The following TMCO1 variants were observed in gnomAD, a reference collection of about 807,000 sequenced individuals.
TMCO1 encodes the protein transmembrane and coiled-coil domains 1.
TMCO1 carries 29 observed loss-of-function variants against 29.3 expected under a neutral mutation model. The ratio of observed to expected loss-of-function variants is 0.99; its 90% CI spans 0.74 to 1.35. TMCO1 has a LOEUF of 1.35. Among genes scored for constraint, TMCO1 ranks in the 40% most tolerant of loss-of-function variants. The pLI is 0.00. For synonymous variants in TMCO1, 80 were observed against 77.1 expected (o/e 1.04, Z -0.20); for missense variants, 173 against 225.5 (o/e 0.77, Z 1.49).
chr1:165,731,261 A>T (rs1349858127), intron 6 of TMCO1, among the ~76,000 whole-genome samples: 1 of 152,236 alleles, frequency 6.6e-6, no homozygotes, highest in Non-Finnish European at 1.5e-5. Context: ...CATTACACAA[A>T]GCAGTAAAAA....
In TMCO1 at chr1:165,727,441, A is replaced by C. The variant is rs1436747592; in HGVS notation, c.*582T>G. The C allele has an allele frequency of 1.1e-5, 5 of 453,966 alleles. No individual in the cohort carries two copies. The Admixed American group carries it at 1.2e-4, about 11-fold the overall frequency. 28.1% of individuals were successfully genotyped at this position (453,966 alleles called of 1,614,324 possible). On this transcript the variant is annotated 3_prime_UTR_variant, in exon 7 of 7. Transcript: ENST00000367881. ...AGTATATGAGTCAAGTATGGCAAAA[A>C]GTACAGTACCTTAAAAACTTTTATT...
At chr1:165,726,517 G>A, downstream of TMCO1, 1 of 492,644 alleles carries the variant, frequency 2.0e-6, no homozygotes. Context: ...AATCCTGACT[G>A]CCACTCAATA....
At chr1:165,757,777 C>T (rs750720902) in intron 3 of TMCO1, among the ~76,000 whole-genome samples, 6 of 152,186 alleles carry the variant, frequency 3.9e-5, no homozygotes, top group Non-Finnish European at 8.8e-5. Flanking sequence ...GGATTACAAG[C>T]GTGAGCCACC....
intron 2 of TMCO1, among the ~76,000 whole-genome samples, chr1:165,762,606 T>G (rs554807575): frequency 6.6e-6 from 1 of 152,170 alleles, no homozygotes; most frequent in South Asian, 2.1e-4. Context: ...GGATATTTAT[T>G]CATCAGAATC....
chr1:165,739,771 T>G (rs1651520573), intron 6 of TMCO1, among the ~76,000 whole-genome samples: 1 of 152,062 alleles, frequency 6.6e-6, no homozygotes, highest in African/African-American at 2.4e-5. Context: ...CATCTAAGAT[T>G]ACTATTGATC....
rs570579214 is a variant in TMCO1 at position 165,745,474 on chromosome 1, CAAA to C, written c.324-2166_324-2164del. 9.2e-3 allele frequency among the ~76,000 whole-genome samples: 932 copies of C among 101,312 alleles called. 14 individuals carry two copies. The highest frequency in any genetic ancestry group is 0.031 in the African/African-American group (800 of 25,714). The allele number at this position is 101,312 out of a possible 152,430, so 66.5% of individuals were successfully genotyped here. Reference sequence around the variant, plus strand: ...CAACATGGCGAAACCCTATCTCTACCAAAAAAAAAAAAAAAAAAAAAAATTAGC... The same window carrying C: ...CAACATGGCGAAACCCTATCTCTACCAAAAAAAAAAAAAAAAAAAATTAGC... On this transcript the variant is annotated intron_variant, in intron 5 of 6. Transcript: ENST00000367881.
chr1:165,743,757 G>A (rs1189153381), intron 5 of TMCO1, among the ~76,000 whole-genome samples: 6 of 151,790 alleles, frequency 4.0e-5, no homozygotes, highest in African/African-American at 7.3e-5. Flanking sequence ...GGGTTCAAGC[G>A]ATATAAAATC....
At chr1:165,751,446 G>A (rs1465808082) in intron 5 of TMCO1, among the ~76,000 whole-genome samples, 1 of 150,174 alleles carries the variant, frequency 6.7e-6, no homozygotes, top group Non-Finnish European at 1.5e-5. Context: ...GCTCACGCCT[G>A]TAATCCCAGC....
intron 3 of TMCO1, among the ~76,000 whole-genome samples, chr1:165,758,730 ATACAGCGTAAATG>A (rs1288923782): frequency 7.1e-6 from 1 of 140,672 alleles, no homozygotes. Flanking sequence ...TAACTGACAC[ATACAGCGTAAATG>A]TTCAATAGCA....
rs778758957 is a variant in TMCO1, at chr1:165,752,233, A to G, written c.256-64T>C. The G allele has an allele frequency of 4.9e-4, 661 of 1,343,258 alleles. 1 individual carries two copies. Among genetic ancestry groups the G allele is most frequent in the Non-Finnish European group, 6.2e-4 (586 of 950,940 alleles). 83.2% of individuals were successfully genotyped at this position (1,343,258 alleles called of 1,614,324 possible). The stretch of plus-strand genomic sequence containing the variant: ...AAAAACACATCTAAAGCATATCTCA[A>G]AAGTTTTGGTTTCATGTCATTTTTT... On this transcript the variant is annotated intron_variant, in intron 4 of 6. Transcript: ENST00000367881.
chr1:165,761,333 G>A (rs1040412364), intron 2 of TMCO1, among the ~76,000 whole-genome samples: 2 of 152,094 alleles, frequency 1.3e-5, no homozygotes, highest in Non-Finnish European at 2.9e-5. Context: ...CCAGGAGTTT[G>A]GGATCAGCCT....
intron 3 of TMCO1, 128 bp downstream of exon 3, chr1:165,759,397 T>C (rs184262582): frequency 4.6e-5 from 33 of 723,314 alleles, no homozygotes; most frequent in Middle Eastern, 3.9e-4. Context: ...AAAGTATGCA[T>C]GTGCTTTATA....
intron 2 of TMCO1, among the ~76,000 whole-genome samples, chr1:165,763,411 T>C (rs527633597): frequency 6.6e-6 from 1 of 152,276 alleles, no homozygotes; most frequent in African/African-American, 2.4e-5. Flanking sequence ...TAGCAAGCAA[T>C]CAAATAAGTC....
At chr1:165,738,437 G>A (rs889549601) in intron 6 of TMCO1, among the ~76,000 whole-genome samples, 2 of 152,178 alleles carry the variant, frequency 1.3e-5, no homozygotes, top group African/African-American at 4.8e-5. Context: ...GGCAACCATA[G>A]AGTCAATTCT....
Position 165,732,000 on chromosome 1 carries a change from A to G in TMCO1, c.469-3879T>C, listed in dbSNP as rs75906825. On this transcript the variant is annotated intron_variant, in intron 6 of 6. Coordinates refer to ENST00000367881, the MANE Select transcript of TMCO1 (RefSeq NM_019026.6). ...TCTAAACTAATCTGTTTAAATTCCT[A>G]TAGTCTCACAGGTGAAACCTAGGTC... Among the ~76,000 whole-genome samples, 692 of 152,350 alleles carry G rather than the reference A, an allele frequency of 4.5e-3. 6 individuals are homozygous for G. The highest frequency in any genetic ancestry group is 0.016 in the African/African-American group (659 of 41,584).
chr1:165,735,661 T>G (rs1391487830), intron 6 of TMCO1, among the ~76,000 whole-genome samples: 1 of 152,056 alleles, frequency 6.6e-6, no homozygotes, highest in Non-Finnish European at 1.5e-5. Context: ...ATTACAGACA[T>G]GCACCACCAT....
Position 165,726,982 on chromosome 1 carries a change from C to T in TMCO1, c.*1041G>A, listed in dbSNP as rs1650919941. 1 of 453,912 alleles carries T rather than the reference C, an allele frequency of 2.2e-6. No individual in the cohort carries two copies. Among genetic ancestry groups the T allele is most frequent in the South Asian group, 1.6e-5 (1 of 64,470 alleles). The allele number at this position is 453,912 out of a possible 1,614,324, so 28.1% of individuals were successfully genotyped here. A position where few individuals can be genotyped will look rare whatever the true frequency, so the allele number is the denominator to read the frequency against. On this transcript the variant is annotated 3_prime_UTR_variant, in exon 7 of 7. Coordinates refer to ENST00000367881, the MANE Select transcript of TMCO1 (RefSeq NM_019026.6). The stretch of plus-strand genomic sequence containing the variant: ...CTTGAAAATTATGTGTTTTTTCTCA[C>T]TGGTAGAATACTCACATTTAAGTAG...
intron 6 of TMCO1, among the ~76,000 whole-genome samples, chr1:165,734,429 G>C (rs954308158): frequency 6.6e-6 from 1 of 152,096 alleles, no homozygotes; most frequent in African/African-American, 2.4e-5. Flanking sequence ...GGGTTGACTA[G>C]ATCAATCATT....
At chr1:165,755,083 T>G (rs949455030) in intron 3 of TMCO1, 1 of 152,184 alleles carries the variant, frequency 6.6e-6, no homozygotes, top group Non-Finnish European at 1.5e-5. Context: ...TGACAAAATT[T>G]CATGGAGAGA....
Sources: allele counts gnomAD v4.1 joint callset (sites outside exome capture counted in the v4.1 genomes callset), GRCh38; gene constraint gnomAD v4.1.1; transcripts MANE v1.5; gene names NCBI Gene and HGNC (gene_info 2026-07-23, HGNC 2026-07-21).